GABRB2: variants seen among roughly 807,000 people sequenced by gnomAD.
The protein encoded by GABRB2 is gamma-aminobutyric acid receptor subunit beta-2.
Under a neutral mutation model 54.7 loss-of-function variants are expected in GABRB2, and 16 were observed. The observed-to-expected ratio is 0.29, with a 90% CI of 0.20 to 0.44. GABRB2 has a LOEUF of 0.44. Among genes scored for constraint, GABRB2 ranks in the 20% least tolerant of loss-of-function variants. GABRB2 has a pLI of 1.00. For missense variants in GABRB2, 355 were observed against 644.0 expected (o/e 0.55, Z 4.86); for synonymous variants, 244 against 233.8 (o/e 1.04, Z -0.40).
chr5:161,306,035 A>G (rs1038139059), intron 9 of GABRB2, among the ~76,000 whole-genome samples: 1 of 152,248 alleles, frequency 6.6e-6, no homozygotes, highest in African/African-American at 2.4e-5. Context: ...ATTTACTGAC[A>G]GGTCATGACT....
chr5:161,492,326 G>T (rs146843060), intron 3 of GABRB2, among the ~76,000 whole-genome samples: 26 of 151,622 alleles, frequency 1.7e-4, no homozygotes, highest in Non-Finnish European at 3.4e-4. Context: ...CATTGAATCT[G>T]CCCTCTAAAT....
chr5:161,507,440 C>T (rs993955872), intron 3 of GABRB2, among the ~76,000 whole-genome samples: 1 of 152,008 alleles, frequency 6.6e-6, no homozygotes, highest in Non-Finnish European at 1.5e-5. Flanking sequence ...TCTGTATCAT[C>T]TTTGCAACTC....
At chr5:161,474,338 G>GA (rs1758532975) in intron 3 of GABRB2, among the ~76,000 whole-genome samples, 1 of 151,932 alleles carries the variant, frequency 6.6e-6, no homozygotes, top group Non-Finnish European at 1.5e-5. Flanking sequence ...GTTTCCCTCA[G>GA]AAATTGACTC....
At chr5:161,333,463 C>T (rs1205956727) in intron 7 of GABRB2, among the ~76,000 whole-genome samples, 1 of 152,194 alleles carries the variant, frequency 6.6e-6, no homozygotes, top group African/African-American at 2.4e-5. Context: ...CATTTCTTCT[C>T]CTTCCTCCCA....
At chr5:161,505,256 G>A (rs1002252116) in intron 3 of GABRB2, among the ~76,000 whole-genome samples, 5 of 151,938 alleles carry the variant, frequency 3.3e-5, no homozygotes, top group South Asian at 2.1e-4. Flanking sequence ...AGCCTCCCGA[G>A]AGGAGCTGGG....
At chr5:161,300,642 T>C (rs1184742082) in intron 9 of GABRB2, among the ~76,000 whole-genome samples, 1 of 152,178 alleles carries the variant, frequency 6.6e-6, no homozygotes, top group Non-Finnish European at 1.5e-5. Context: ...CTTGAATGCA[T>C]ATCAGACTAC....
chr5:161,353,966 A>T (rs990815193), intron 5 of GABRB2, among the ~76,000 whole-genome samples: 1 of 152,080 alleles, frequency 6.6e-6, no homozygotes, highest in South Asian at 2.1e-4. Flanking sequence ...TCCCCAAACT[A>T]CATTATCTTT....
In GABRB2 at chr5:161,336,814, CA is replaced by C. The variant is rs559725109; in HGVS notation, c.542-46del. On this transcript the variant is annotated intron_variant, in intron 5 of 9. Coordinates refer to ENST00000393959, the MANE Select transcript of GABRB2 (RefSeq NM_001371727.1). ...CACACACACACACAAATACAGAAAA[CA>C]AAAAAAAAAAAACAGACAAAACAGA... is the stretch of plus-strand genomic sequence containing the variant. The C allele has an allele frequency of 0.088, 88,948 of 1,015,410 alleles. 355 individuals are homozygous for C. The highest frequency in any genetic ancestry group is 0.17 in the African/African-American group (9,154 of 53,026). The allele number at this position is 1,015,410 out of a possible 1,614,324, so 62.9% of individuals were successfully genotyped here.
chr5:161,517,547 T>C (rs1484511805), intron 3 of GABRB2, among the ~76,000 whole-genome samples: 1 of 152,178 alleles, frequency 6.6e-6, no homozygotes, highest in East Asian at 1.9e-4. Context: ...TCCTCATTGT[T>C]GCCTGGAAAA....
intron 5 of GABRB2, among the ~76,000 whole-genome samples, chr5:161,369,091 A>G (rs1755055636): frequency 6.6e-6 from 1 of 152,340 alleles, no homozygotes; most frequent in Non-Finnish European, 1.5e-5. Context: ...ACATTTGGCA[A>G]CTTCTAACCC....
At chr5:161,491,972 T>G (rs1342233104) in intron 3 of GABRB2, among the ~76,000 whole-genome samples, 2 of 151,684 alleles carry the variant, frequency 1.3e-5, no homozygotes, top group African/African-American at 4.8e-5. Context: ...GAATGTGCTA[T>G]GGAGGGTGAC....
chr5:161,374,477 G>T (rs571028014), intron 5 of GABRB2, among the ~76,000 whole-genome samples: 24 of 152,234 alleles, frequency 1.6e-4, no homozygotes, highest in African/African-American at 5.1e-4. Context: ...ATACTGCATT[G>T]GCACTGTCTT....
chr5:161,484,735 T>G (rs2113336707), intron 3 of GABRB2, among the ~76,000 whole-genome samples: 1 of 152,102 alleles, frequency 6.6e-6, no homozygotes, highest in South Asian at 2.1e-4. Context: ...TCCACTGTAT[T>G]TAGGCCCCCA....
intron 5 of GABRB2, among the ~76,000 whole-genome samples, chr5:161,356,086 G>T (rs919623391): frequency 2.6e-5 from 4 of 152,088 alleles, no homozygotes; most frequent in African/African-American, 9.7e-5. Context: ...ATTGAAAACA[G>T]AATTTAGAGC....
chr5:161,346,268 G>T (rs1439571420), intron 5 of GABRB2, among the ~76,000 whole-genome samples: 1 of 152,044 alleles, frequency 6.6e-6, no homozygotes, highest in East Asian at 1.9e-4. Context: ...TGGCCTGATA[G>T]ATTTTGGAAA....
Position 161,331,082 on chromosome 5 carries a change from C to T in GABRB2, c.878G>A (p.Arg293Gln), listed in dbSNP as rs1210815997. 6.2e-7 allele frequency: 1 copy of T among 1,604,600 alleles called. No individual in the cohort carries two copies. Among genetic ancestry groups the T allele is most frequent in the Non-Finnish European group, 8.5e-7 (1 of 1,173,586 alleles). Residue 293 changes from arginine to glutamine, a missense_variant, in exon 8 of 10, where the codon CGG (arginine) becomes CAG (glutamine). Physicochemically the swap from Arg to Gln is conservative, Grantham distance 43. This residue lies in a region of GABRB2 where 25 missense variants were observed against 137.4 expected (regional missense o/e 0.18). Coordinates refer to ENST00000393959, the MANE Select transcript of GABRB2 (RefSeq NM_001371727.1). The part of the protein sequence containing the change: ...LTMTTINTHL[R>Q]ETLPKIPYVK... ...ATAGGGGATTTTAGGGAGAGTTTCC[C>T]GGAGGTGGGTGTTGATTGTGGTCAT...
At chr5:161,379,027 C>G (rs1431972964) in intron 5 of GABRB2, among the ~76,000 whole-genome samples, 1 of 152,156 alleles carries the variant, frequency 6.6e-6, no homozygotes, top group Non-Finnish European at 1.5e-5. Context: ...TTTCACCACT[C>G]TTCACTAAAC....
intron 5 of GABRB2, among the ~76,000 whole-genome samples, chr5:161,337,159 A>C (rs933180010): frequency 1.3e-5 from 2 of 152,180 alleles, no homozygotes; most frequent in Non-Finnish European, 2.9e-5. Flanking sequence ...ATTATCATAT[A>C]ACATTATCAC....
At chr5:161,319,375 T>A (rs1390291525) in intron 9 of GABRB2, among the ~76,000 whole-genome samples, 1 of 148,384 alleles carries the variant, frequency 6.7e-6, no homozygotes, top group Non-Finnish European at 1.5e-5. Context: ...TCCTTTTTGG[T>A]ATCTATGGAA....
Sources: allele counts gnomAD v4.1 joint callset (sites outside exome capture counted in the v4.1 genomes callset), GRCh38; gene constraint gnomAD v4.1.1; regional missense constraint gnomAD v4.1.1; transcripts MANE v1.5; gene names NCBI Gene and HGNC (gene_info 2026-07-23, HGNC 2026-07-21).